Variants in FBP1 observed in about 807,000 individuals in gnomAD.
FBP1 encodes the protein fructose-1,6-bisphosphatase 1.
In FBP1, 22 loss-of-function variants were observed where a neutral mutation model predicts 29.9. The ratio of observed to expected loss-of-function variants is 0.74; its 90% CI spans 0.53 to 1.05. FBP1 has a LOEUF of 1.05. FBP1 is among the 50% of genes least tolerant of loss of function. The pLI is 0.00. For missense variants in FBP1, 345 were observed against 448.2 expected (o/e 0.77, Z 2.08); for synonymous variants, 175 against 178.6 (o/e 0.98, Z 0.16).
At chr9:94,617,083 C>T (rs968119196) in intron 3 of FBP1, among the ~76,000 whole-genome samples, 8 of 152,162 alleles carry the variant, frequency 5.3e-5, no homozygotes, top group African/African-American at 1.9e-4. Context: ...ACTGTTTCTA[C>T]AGACAGACAG....
At chr9:94,604,401 C>G (rs1303250378) in intron 6 of FBP1, among the ~76,000 whole-genome samples, 1 of 151,904 alleles carries the variant, frequency 6.6e-6, no homozygotes, top group Non-Finnish European at 1.5e-5. Flanking sequence ...ATTCTGGATG[C>G]CACATGCTGC....
At chr9:94,618,838 A>G (rs955933698) in intron 2 of FBP1, among the ~76,000 whole-genome samples, 2 of 152,150 alleles carry the variant, frequency 1.3e-5, no homozygotes, top group Non-Finnish European at 2.9e-5. Flanking sequence ...TTGGTAGCTT[A>G]AAATCAACGA....
intron 1 of FBP1, among the ~76,000 whole-genome samples, chr9:94,637,882 A>C (rs1828215732): frequency 6.6e-6 from 1 of 151,944 alleles, no homozygotes; most frequent in Non-Finnish European, 1.5e-5. Flanking sequence ...CGGGAGTTCG[A>C]GACCAGCCTG....
intron 6 of FBP1, among the ~76,000 whole-genome samples, chr9:94,604,172 C>T (rs931063935): frequency 4.6e-5 from 7 of 151,996 alleles, no homozygotes; most frequent in African/African-American, 1.2e-4. Context: ...GCCTACTGAG[C>T]GACAGCTTTC....
At chr9:94,629,017 C>T (rs1324253058) in intron 1 of FBP1, among the ~76,000 whole-genome samples, 2 of 152,068 alleles carry the variant, frequency 1.3e-5, no homozygotes, top group African/African-American at 2.4e-5. Context: ...AGTCTCGCTC[C>T]GTCACCCAGG....
chr9:94,605,453 T>G lies in FBP1; in HGVS notation c.825+4A>C, dbSNP rs759959206. ...CTCACTCCCTCTCCAGGGGACACCCTTACCTTTCCATTGGGGCTCTTCTTG... is the reference window on the plus strand; with the variant it reads ...CTCACTCCCTCTCCAGGGGACACCCGTACCTTTCCATTGGGGCTCTTCTTG... On this transcript the variant is annotated splice_donor_region_variant and intron_variant, in intron 6 of 6. Coordinates refer to ENST00000375326, the MANE Select transcript of FBP1 (RefSeq NM_000507.4). The G allele has an allele frequency of 5.0e-6, 8 of 1,613,438 alleles. No individual in the cohort carries two copies. The highest frequency in any genetic ancestry group is 6.8e-6 in the Non-Finnish European group (8 of 1,179,876).
chr9:94,616,050 A>G (rs929792344), intron 3 of FBP1, among the ~76,000 whole-genome samples: 1 of 152,052 alleles, frequency 6.6e-6, no homozygotes, highest in Admixed American at 6.6e-5. Flanking sequence ...GGATGGTCTC[A>G]ATCTCCTGAC....
chr9:94,620,488 A>G lies in FBP1; in HGVS notation c.174T>C (p.Tyr58=). Residue 58 remains tyrosine, a synonymous_variant, in exon 2 of 7, where the codon TAT becomes TAC. Coordinates refer to ENST00000375326, the MANE Select transcript of FBP1 (RefSeq NM_000507.4). The part of the protein sequence containing the change: ...AVRKAGIAHL[Y]GIAGSTNVTG... ...TCACGTTGGTAGAACCAGCAATGCCATAGCTACAGGGAACAAAAGCCACAA... is the reference window on the plus strand; with the variant it reads ...TCACGTTGGTAGAACCAGCAATGCCGTAGCTACAGGGAACAAAAGCCACAA... 6.2e-7 allele frequency: 1 copy of G among 1,614,136 alleles called. No homozygotes were observed. The highest frequency in any genetic ancestry group is 1.1e-5 in the South Asian group (1 of 91,064).
At chr9:94,621,394 T>TAAAA (rs1319159250) in intron 1 of FBP1, among the ~76,000 whole-genome samples, 3 of 124,678 alleles carry the variant, frequency 2.4e-5, no homozygotes, top group Admixed American at 7.9e-5. Flanking sequence ...AGATTCCGTC[T>TAAAA]AAAAATATAT....
chr9:94,613,357 T>C (rs1334231728), intron 3 of FBP1, among the ~76,000 whole-genome samples: 1 of 152,230 alleles, frequency 6.6e-6, no homozygotes, highest in Non-Finnish European at 1.5e-5. Flanking sequence ...TATTTTCTTA[T>C]GCTCTAAACA....
At chr9:94,632,235 G>C (rs1158539023) in intron 1 of FBP1, among the ~76,000 whole-genome samples, 1 of 152,056 alleles carries the variant, frequency 6.6e-6, no homozygotes, top group East Asian at 1.9e-4. Flanking sequence ...CTGATGGGAG[G>C]ACATTTCCTG....
chr9:94,627,815 C>T (rs1283626701), intron 1 of FBP1, among the ~76,000 whole-genome samples: 3 of 152,180 alleles, frequency 2.0e-5, no homozygotes, highest in East Asian at 1.9e-4. Context: ...AACCATCACA[C>T]GACCCTGTCC....
intron 6 of FBP1, chr9:94,604,051 A>G: frequency 4.6e-6 from 1 of 219,562 alleles, no homozygotes; most frequent in Admixed American, 5.2e-5. Flanking sequence ...CTCTGTGTGC[A>G]TTCCTTTTAC....
chr9:94,608,810 GA>G (rs1255131422), intron 4 of FBP1, among the ~76,000 whole-genome samples: 4 of 152,140 alleles, frequency 2.6e-5, no homozygotes, highest in African/African-American at 9.7e-5. Context: ...ATCTCGCACA[GA>G]AGGTTCCTGT....
At chr9:94,616,884 C>A (rs1037951497) in intron 3 of FBP1, among the ~76,000 whole-genome samples, 2 of 151,968 alleles carry the variant, frequency 1.3e-5, no homozygotes, top group African/African-American at 4.8e-5. Flanking sequence ...TCCCTCTCCT[C>A]CCTCTCCTCC....
chr9:94,605,609 C>T, intron 5 of FBP1, 33 bp from the exon 6 acceptor site: 1 of 1,609,406 alleles, frequency 6.2e-7, no homozygotes, highest in Non-Finnish European at 8.5e-7. Flanking sequence ...ATTAGGATTG[C>T]AGAAAATAAG....
rs137939984 is a variant in FBP1 at position 94,603,524 on chromosome 9, C to G, written c.874G>C (p.Ala292Pro). Reference sequence around the variant, plus strand: ...TTCCCAGTGGTGGCCATTCCCCCAGCCTTCTCCATGACGTAGGCCATGGGG... The same window carrying G: ...TTCCCAGTGGTGGCCATTCCCCCAGGCTTCTCCATGACGTAGGCCATGGGG... ...CNPMAYVMEK[A>P]GGMATTGKEA... is the part of the protein sequence containing the mutation. The change falls in exon 7 of 7, where the codon GCT becomes CCT. Residue 292 changes from alanine (A) to proline (P), a missense_variant. Ala to Pro is a conservative substitution (Grantham distance 27, BLOSUM62 -1). Transcript: ENST00000375326. 2 of 1,614,070 alleles carry G rather than the reference C, an allele frequency of 1.2e-6. No individual in the cohort carries two copies. Among genetic ancestry groups the G allele is most frequent in the Non-Finnish European group, 1.7e-6 (2 of 1,180,038 alleles).
intron 3 of FBP1, among the ~76,000 whole-genome samples, chr9:94,614,513 C>A: frequency 6.6e-6 from 1 of 152,174 alleles, no homozygotes; most frequent in Non-Finnish European, 1.5e-5. Context: ...GCACTCCAGC[C>A]TGGGCGACAG....
At chr9:94,624,057 C>T (rs28369676) in intron 1 of FBP1, among the ~76,000 whole-genome samples, 14 of 152,156 alleles carry the variant, frequency 9.2e-5, no homozygotes, top group East Asian at 3.9e-4. Context: ...GGAAATAGGC[C>T]GGGCACGGTG....
Sources: gnomAD v4.1 joint callset for allele counts (sites outside exome capture counted in the v4.1 genomes callset) on GRCh38, gnomAD v4.1.1 for gene constraint, MANE v1.5 for transcripts, NCBI Gene and HGNC (gene_info 2026-07-23, HGNC 2026-07-21) for gene names.